Variants in ITPK1 observed in about 807,000 individuals in gnomAD.
The protein encoded by ITPK1 is inositol-tetrakisphosphate 1-kinase.
In ITPK1, 21 loss-of-function variants were observed where a neutral mutation model predicts 45.3. That is an observed-to-expected ratio of 0.46 (90% confidence interval 0.33 to 0.67). ITPK1 has a LOEUF of 0.67. Among genes scored for constraint, ITPK1 ranks in the 30% least tolerant of loss-of-function variants. ITPK1 has a pLI of 0.02. For missense variants in ITPK1, 474 were observed against 573.5 expected (o/e 0.83, Z 1.77); for synonymous variants, 258 against 253.6 (o/e 1.02, Z -0.16).
intron 10 of ITPK1, among the ~76,000 whole-genome samples, chr14:92,944,569 C>A (rs1401939082): frequency 2.0e-5 from 3 of 152,190 alleles, no homozygotes; most frequent in Non-Finnish European, 4.4e-5. Context: ...TTCCCACCCT[C>A]TCCTGTCTCC....
At chr14:93,030,350 A>C (rs1888971524) in intron 3 of ITPK1, among the ~76,000 whole-genome samples, 1 of 152,174 alleles carries the variant, frequency 6.6e-6, no homozygotes, top group South Asian at 2.1e-4. Context: ...CCTGTTCTTT[A>C]CTCTCCTCTG....
intron 5 of ITPK1, among the ~76,000 whole-genome samples, chr14:92,973,773 G>T (rs142529766): frequency 1.1e-4 from 17 of 152,364 alleles, no homozygotes; most frequent in African/African-American, 4.1e-4. Context: ...GGAGGGGGAT[G>T]CCAGGAAGGG....
At chr14:93,048,470 C>T (rs1889873960) in intron 3 of ITPK1, among the ~76,000 whole-genome samples, 1 of 152,202 alleles carries the variant, frequency 6.6e-6, no homozygotes, top group Non-Finnish European at 1.5e-5. Flanking sequence ...AGGTTGACAT[C>T]AGCAAGAACC....
intron 2 of ITPK1, among the ~76,000 whole-genome samples, chr14:93,106,493 C>A (rs1349755152): frequency 6.6e-6 from 1 of 152,220 alleles, no homozygotes; most frequent in Non-Finnish European, 1.5e-5. Context: ...TGTGTGGCCT[C>A]TACAAAGTGG....
intron 3 of ITPK1, among the ~76,000 whole-genome samples, chr14:93,022,715 A>G (rs1308871001): frequency 1.3e-5 from 2 of 151,994 alleles, no homozygotes; most frequent in Admixed American, 6.6e-5. Flanking sequence ...TTCACTACTC[A>G]TCTCTACCAG....
At chr14:93,099,293 A>G (rs1403873678) in intron 2 of ITPK1, among the ~76,000 whole-genome samples, 1 of 152,128 alleles carries the variant, frequency 6.6e-6, no homozygotes, top group Non-Finnish European at 1.5e-5. Context: ...CCAGGCTCTC[A>G]GAATTCCCAG....
At chr14:93,100,402 C>T (rs1472890796) in intron 2 of ITPK1, among the ~76,000 whole-genome samples, 1 of 152,138 alleles carries the variant, frequency 6.6e-6, no homozygotes, top group Non-Finnish European at 1.5e-5. Flanking sequence ...AGATCACACA[C>T]CTAAGGAACG....
At chr14:93,052,611 G>T (rs914036670) in intron 3 of ITPK1, among the ~76,000 whole-genome samples, 19 of 152,152 alleles carry the variant, frequency 1.2e-4, no homozygotes, top group African/African-American at 4.1e-4. Context: ...GCCAGAGACG[G>T]CCTGAGAGTG....
Position 93,019,073 on chromosome 14 carries a change from CTG to C in ITPK1, c.121-2274_121-2273del, listed in dbSNP as rs562477390. Among the ~76,000 whole-genome samples, 142 of 152,364 alleles carry C rather than the reference CTG, an allele frequency of 9.3e-4. 2 individuals carry two copies. Among genetic ancestry groups the C allele is most frequent in the Admixed American group, 7.8e-4 (12 of 15,312 alleles). ...GTAGAGAGGCCATGGGCAGAGAACA[CTG>C]GGCTCTCAGACAGAGCCAAACACCA... is the stretch of plus-strand genomic sequence containing the variant. On this transcript the variant is annotated intron_variant, in intron 3 of 10. Transcript: ENST00000267615.
intron 5 of ITPK1, among the ~76,000 whole-genome samples, chr14:92,971,983 G>A (rs952791786): frequency 3.3e-5 from 5 of 152,202 alleles, no homozygotes; most frequent in South Asian, 2.1e-4. Flanking sequence ...CCAGCACCGC[G>A]ACCTCTTCCC....
chr14:92,984,626 T>C (rs565289647), intron 5 of ITPK1, among the ~76,000 whole-genome samples: 13 of 152,210 alleles, frequency 8.5e-5, no homozygotes, highest in Non-Finnish European at 1.6e-4. Context: ...AAACATGTAA[T>C]CCTGATTCTC....
At chr14:93,037,465 G>A (rs377147342) in intron 3 of ITPK1, among the ~76,000 whole-genome samples, 3 of 152,230 alleles carry the variant, frequency 2.0e-5, no homozygotes, top group Non-Finnish European at 2.9e-5. Flanking sequence ...GGCTGAAGGC[G>A]CAGGTAAGCT....
chr14:93,048,918 C>T (rs556260790), intron 3 of ITPK1, among the ~76,000 whole-genome samples: 20 of 152,252 alleles, frequency 1.3e-4, no homozygotes, highest in African/African-American at 4.6e-4. Context: ...CACTGCACTC[C>T]AGCCTGGACG....
intron 6 of ITPK1, 64 bp from the exon 7 acceptor site, chr14:92,962,459 C>T (rs540513924): frequency 1.2e-5 from 13 of 1,078,562 alleles, no homozygotes; most frequent in Middle Eastern, 4.0e-4. Context: ...AAGGCAGGTA[C>T]TTGGCACGTC....
At chr14:92,970,390 G>C (rs556796649) in intron 5 of ITPK1, among the ~76,000 whole-genome samples, 1 of 152,326 alleles carries the variant, frequency 6.6e-6, no homozygotes, top group East Asian at 1.9e-4. Context: ...CCTCAGGGGA[G>C]GAGGCAGGTG....
chr14:93,035,072 G>C (rs750931525), intron 3 of ITPK1, among the ~76,000 whole-genome samples: 48 of 152,248 alleles, frequency 3.2e-4, no homozygotes, highest in Non-Finnish European at 5.9e-4. Flanking sequence ...ACAACAGCCT[G>C]CTGTCCTCTG....
At position 93,063,505 on chromosome 14, in the gene ITPK1, C is replaced by G. The variant is rs888865711; in HGVS notation, c.120+13090G>C. 3.9e-5 allele frequency among the ~76,000 whole-genome samples: 6 copies of G among 152,192 alleles called. No individual in the cohort carries two copies. The highest frequency in any genetic ancestry group is 1.4e-4 in the African/African-American group (6 of 41,444). The stretch of plus-strand genomic sequence containing the variant: ...CTACCCACGCTTCTCCTACGAGGGC[C>G]TGAGTTTTAGAAGGCCTTCTCACTT... On this transcript the variant is annotated intron_variant, in intron 3 of 10. Transcript: ENST00000267615. This position sits in a 1 kb window ranked among gnomAD's most constrained non-coding sequence, Gnocchi z 4.3.
rs1055751919 is a variant in ITPK1, at chr14:93,115,899, C to G, written c.-270G>C. The G allele has an allele frequency of 6.2e-5, 9 of 145,834 alleles. No individual in the cohort carries two copies. Among genetic ancestry groups the G allele is most frequent in the Admixed American group, 2.0e-4 (3 of 14,708 alleles). 9.0% of individuals were successfully genotyped at this position (145,834 alleles called of 1,614,324 possible). On this transcript the variant is annotated 5_prime_UTR_variant, in exon 1 of 11. Transcript: ENST00000267615. ...CCGCCCCGCGCTGGCCCGGCCGCCC[C>G]GCTTGAGCCCGCGGCGGCGAGGAAG...
chr14:92,990,186 T>C (rs1035542804), intron 5 of ITPK1, among the ~76,000 whole-genome samples: 2 of 152,176 alleles, frequency 1.3e-5, no homozygotes, highest in African/African-American at 4.8e-5. Context: ...CTGGCCAAAG[T>C]CCCTTCTCCC....
Sources: gnomAD v4.1 joint callset for allele counts (sites outside exome capture counted in the v4.1 genomes callset) on GRCh38, gnomAD v4.1.1 for gene constraint, Gnocchi (gnomAD v3.1) non-coding constraint, MANE v1.5 for transcripts, NCBI Gene and HGNC (gene_info 2026-07-23, HGNC 2026-07-21) for gene names.